The following PPP2CB variants were observed in gnomAD, a reference collection of about 807,000 sequenced individuals.
PPP2CB encodes the protein protein phosphatase 2 catalytic subunit beta, also known as serine/threonine-protein phosphatase 2A catalytic subunit beta isoform.
Under a neutral mutation model 39.1 loss-of-function variants are expected in PPP2CB, and 18 were observed. That is an observed-to-expected ratio of 0.46 (90% CI 0.32 to 0.68). The LOEUF (loss-of-function observed/expected upper bound fraction) is 0.68, where lower values mean the gene tolerates loss of function less well. Ranked by LOEUF, PPP2CB falls within the 30% of genes least tolerant of loss-of-function variation. The pLI, the probability that PPP2CB is intolerant of heterozygous loss-of-function variation, is 0.04. For missense variants in PPP2CB, 226 were observed against 396.9 expected (o/e 0.57, Z 3.66); for synonymous variants, 129 against 133.8 (o/e 0.96, Z 0.25).
At chr8:30,806,825 T>C (rs1806734073) in intron 1 of PPP2CB, among the ~76,000 whole-genome samples, 1 of 152,224 alleles carries the variant, frequency 6.6e-6, no homozygotes, top group South Asian at 2.1e-4. Flanking sequence ...AAAGAAATTT[T>C]ACATTGCAAA....
At chr8:30,799,118 G>A (rs1470210046) in intron 2 of PPP2CB, among the ~76,000 whole-genome samples, 1 of 152,110 alleles carries the variant, frequency 6.6e-6, no homozygotes, top group Admixed American at 6.6e-5. Flanking sequence ...AGATTTCATC[G>A]GCCAGCGTAT....
chr8:30,790,797 G>A (rs1806416338), intron 6 of PPP2CB, among the ~76,000 whole-genome samples: 1 of 152,194 alleles, frequency 6.6e-6, no homozygotes, highest in Non-Finnish European at 1.5e-5. Flanking sequence ...TGAACCCACA[G>A]CCCCAGCCCT....
chr8:30,794,410 T>C, intron 3 of PPP2CB, 129 bp from the exon 4 acceptor site: 1 of 807,660 alleles, frequency 1.2e-6, no homozygotes, highest in Non-Finnish European at 1.9e-6. Context: ...TCCATCATTT[T>C]TTCTTCTTTA....
intron 6 of PPP2CB, among the ~76,000 whole-genome samples, chr8:30,790,268 C>CA (rs557892080): frequency 1.7e-4 from 26 of 152,280 alleles, no homozygotes; most frequent in Admixed American, 1.4e-3. Context: ...ATGGCTAGTG[C>CA]ATGTGCACAG....
At chr8:30,797,549 T>A in intron 3 of PPP2CB, 32 bp downstream of exon 3, 1 of 1,551,522 alleles carries the variant, frequency 6.4e-7, no homozygotes, top group Non-Finnish European at 8.8e-7. Context: ...TCCATTTACC[T>A]CCTCCCAAGA....
chr8:30,801,983 C>T (rs1806635164), intron 1 of PPP2CB, among the ~76,000 whole-genome samples: 1 of 152,172 alleles, frequency 6.6e-6, no homozygotes, highest in South Asian at 2.1e-4. Context: ...GCACCTCTAA[C>T]CTCCCTTAAT....
intron 5 of PPP2CB, chr8:30,793,679 T>C: frequency 2.5e-6 from 1 of 392,816 alleles, no homozygotes; most frequent in Non-Finnish European, 4.6e-6. Flanking sequence ...GAATGAAGCA[T>C]ACAGGGAATT....
At chr8:30,811,793 C>A (rs1806833399) in intron 1 of PPP2CB, among the ~76,000 whole-genome samples, 1 of 152,196 alleles carries the variant, frequency 6.6e-6, no homozygotes, top group Non-Finnish European at 1.5e-5. Flanking sequence ...TGAGCCACCA[C>A]GCCCGGCTTG....
intron 1 of PPP2CB, among the ~76,000 whole-genome samples, chr8:30,809,209 C>G (rs959640488): frequency 1.3e-5 from 2 of 151,802 alleles, no homozygotes; most frequent in African/African-American, 4.8e-5. Context: ...CCACTGTGCC[C>G]GGCCAATGAA....
At chr8:30,808,988 G>A (rs1806773102) in intron 1 of PPP2CB, among the ~76,000 whole-genome samples, 1 of 137,254 alleles carries the variant, frequency 7.3e-6, no homozygotes, top group African/African-American at 2.8e-5. Context: ...GCAGCGGTAT[G>A]ATCACTGCTC....
At chr8:30,796,934 C>A (rs141470158) in intron 3 of PPP2CB, among the ~76,000 whole-genome samples, 82 of 152,352 alleles carry the variant, frequency 5.4e-4, no homozygotes, top group Middle Eastern at 3.4e-3. Flanking sequence ...GCCTTAACTT[C>A]CTGGGCTGAA....
chr8:30,803,243 C>G (rs966027136), intron 1 of PPP2CB, among the ~76,000 whole-genome samples: 14 of 151,810 alleles, frequency 9.2e-5, no homozygotes, highest in Non-Finnish European at 1.9e-4. Flanking sequence ...TATTTCATGA[C>G]ACTGAAAGCA....
chr8:30,786,509 T>TTTTTTTTTTTTTTTTTTTGAGACGG, intron 6 of PPP2CB: 5 of 382,536 alleles, frequency 1.3e-5, no homozygotes, highest in Non-Finnish European at 1.8e-5. Flanking sequence ...GGTGAAAATT[T>TTTTTTTTTTTTTTTTTTTGAGACGG]AAGAAGACAG....
At chr8:30,795,736 T>A (rs1218697110) in intron 3 of PPP2CB, among the ~76,000 whole-genome samples, 1 of 152,218 alleles carries the variant, frequency 6.6e-6, no homozygotes, top group Non-Finnish European at 1.5e-5. Context: ...TTACTTATAT[T>A]GGACGAATTT....
At chr8:30,799,041 G>A (rs1466531863) in intron 2 of PPP2CB, among the ~76,000 whole-genome samples, 2 of 152,212 alleles carry the variant, frequency 1.3e-5, no homozygotes, top group Non-Finnish European at 2.9e-5. Context: ...CAGGCAAGGA[G>A]TTTGAATTTG....
At chr8:30,807,659 CAA>C (rs1247833643) in intron 1 of PPP2CB, among the ~76,000 whole-genome samples, 1 of 152,186 alleles carries the variant, frequency 6.6e-6, no homozygotes, top group African/African-American at 2.4e-5. Flanking sequence ...TTTAACAGGT[CAA>C]AGAGCTTAAA....
At chr8:30,807,382 G>A (rs989835026) in intron 1 of PPP2CB, among the ~76,000 whole-genome samples, 15 of 152,038 alleles carry the variant, frequency 9.9e-5, no homozygotes, top group African/African-American at 3.6e-4. Flanking sequence ...GATGGTTTTG[G>A]GTATTCAGGA....
chr8:30,811,735 C>G (rs1806832146), intron 1 of PPP2CB, among the ~76,000 whole-genome samples: 1 of 152,080 alleles, frequency 6.6e-6, no homozygotes, highest in African/African-American at 2.4e-5. Context: ...CTCCTGGGCT[C>G]AAGCAATCCT....
intron 1 of PPP2CB, among the ~76,000 whole-genome samples, chr8:30,807,761 C>G (rs1356071499): frequency 6.6e-6 from 1 of 152,228 alleles, no homozygotes; most frequent in Non-Finnish European, 1.5e-5. Flanking sequence ...GGCACACAAT[C>G]TTCTAAAATA....
Sources: allele counts gnomAD v4.1 joint callset (sites outside exome capture counted in the v4.1 genomes callset), GRCh38; gene constraint gnomAD v4.1.1; transcripts MANE v1.5; gene names NCBI Gene and HGNC (gene_info 2026-07-23, HGNC 2026-07-21).